Variants in PRKG1 observed in about 807,000 individuals in gnomAD.
PRKG1 encodes protein kinase cGMP-dependent 1, also known as cGMP-dependent protein kinase 1.
A neutral mutation model predicts 88.1 loss-of-function variants in PRKG1; 35 were observed. The ratio of observed to expected loss-of-function variants is 0.40; its 90% CI spans 0.30 to 0.53. The LOEUF (loss-of-function observed/expected upper bound fraction) is 0.53. PRKG1 is among the 20% of genes least tolerant of loss of function. The pLI is 0.59. For synonymous variants in PRKG1, 303 were observed against 292.5 expected, an observed-to-expected ratio of 1.04 and a Z score of -0.37; for missense variants, 540 against 839.8, an observed-to-expected ratio of 0.64 and a Z score of 4.41.
At chr10:51,429,699 C>T (rs10997504) in intron 2 of PRKG1, among the ~76,000 whole-genome samples, 106 of 151,634 alleles carry the variant, frequency 7.0e-4, no homozygotes, top group Non-Finnish European at 1.4e-3. Flanking sequence ...GAAATATTCA[C>T]TAGAGCAGCT....
At chr10:51,809,918 CTCCCTTG>C (rs776731812) in intron 4 of PRKG1, among the ~76,000 whole-genome samples, 8 of 152,134 alleles carry the variant, frequency 5.3e-5, no homozygotes, top group Non-Finnish European at 1.2e-4. Flanking sequence ...TTCTCTCATC[CTCCCTTG>C]TCCCAGTCAC....
chr10:51,319,805 T>G (rs1291545032), intron 2 of PRKG1: 3 of 152,778 alleles, frequency 2.0e-5, no homozygotes, highest in Non-Finnish European at 1.5e-5. Flanking sequence ...TGCCGCAATC[T>G]GTCATTCCAT....
intron 3 of PRKG1, among the ~76,000 whole-genome samples, chr10:51,583,466 G>T (rs1337375439): frequency 6.6e-6 from 1 of 152,092 alleles, no homozygotes; most frequent in Non-Finnish European, 1.5e-5. Context: ...GACCAAAGAT[G>T]TTTCCTTCAT....
intron 17 of PRKG1, among the ~76,000 whole-genome samples, chr10:52,293,338 A>T (rs1232473815): frequency 6.6e-6 from 1 of 151,668 alleles, no homozygotes; most frequent in East Asian, 1.9e-4. Context: ...CATACTGCCC[A>T]AGGTAATTTA....
At chr10:51,330,633 A>AT (rs1279533083) in intron 2 of PRKG1, among the ~76,000 whole-genome samples, 6 of 151,470 alleles carry the variant, frequency 4.0e-5, no homozygotes, top group African/African-American at 7.3e-5. Flanking sequence ...CCTCTATTGC[A>AT]TTTTTTCATT....
intron 1 of PRKG1, among the ~76,000 whole-genome samples, chr10:51,014,132 T>C (rs983557753): frequency 7.2e-5 from 11 of 152,326 alleles, no homozygotes; most frequent in Middle Eastern, 3.4e-3. Flanking sequence ...TATATGTTAA[T>C]TGGATTTCTC....
At chr10:51,842,942 A>G (rs1180347232) in intron 4 of PRKG1, among the ~76,000 whole-genome samples, 1 of 152,010 alleles carries the variant, frequency 6.6e-6, no homozygotes, top group African/African-American at 2.4e-5. Flanking sequence ...ATTTTCATAA[A>G]AAAATAGAAT....
intron 2 of PRKG1, among the ~76,000 whole-genome samples, chr10:51,410,678 T>A (rs908154959): frequency 1.6e-4 from 25 of 152,068 alleles, no homozygotes; most frequent in African/African-American, 5.3e-4. Flanking sequence ...CAAACCCTCA[T>A]TGCAGATAGT....
At chr10:51,127,506 G>C (rs971101296) in intron 1 of PRKG1, among the ~76,000 whole-genome samples, 5 of 152,164 alleles carry the variant, frequency 3.3e-5, no homozygotes, top group Admixed American at 3.3e-4. Flanking sequence ...TTACACTGTT[G>C]GTAGGAATGT....
intron 3 of PRKG1, among the ~76,000 whole-genome samples, chr10:51,651,709 G>A (rs1026000798): frequency 2.6e-5 from 4 of 151,342 alleles, no homozygotes; most frequent in African/African-American, 9.7e-5. Context: ...TCAGCCTCCC[G>A]AGTAGCTGGG....
intron 2 of PRKG1, among the ~76,000 whole-genome samples, chr10:51,411,764 C>T (rs1038490045): frequency 1.3e-5 from 2 of 152,142 alleles, no homozygotes; most frequent in African/African-American, 4.8e-5. Flanking sequence ...CACCCATATG[C>T]TCCTCTTGAA....
intron 9 of PRKG1, among the ~76,000 whole-genome samples, chr10:52,244,733 T>A (rs1284023195): frequency 1.6e-5 from 2 of 121,480 alleles, no homozygotes; most frequent in Non-Finnish European, 3.6e-5. Flanking sequence ...AATATATACT[T>A]TAATATATAT....
chr10:52,090,427 A>T (rs139795135), intron 7 of PRKG1, among the ~76,000 whole-genome samples: 210 of 150,942 alleles, frequency 1.4e-3, no homozygotes, highest in African/African-American at 4.8e-3. Flanking sequence ...ATTTATAAAT[A>T]AATAAATACT....
chr10:51,685,867 A>C (rs1368799615), intron 3 of PRKG1, among the ~76,000 whole-genome samples: 1 of 152,026 alleles, frequency 6.6e-6, no homozygotes, highest in East Asian at 1.9e-4. Context: ...TTCCTCCCTC[A>C]TTCTTTCCTG....
At chr10:52,166,839 G>GTATATATATGTATATATATGTATA (rs1589666380) in intron 9 of PRKG1, among the ~76,000 whole-genome samples, 8 of 90,494 alleles carry the variant, frequency 8.8e-5, no homozygotes, top group South Asian at 4.2e-4. Context: ...GTATATATAT[G>GTATATATATGTATATATATGTATA]TATATATATG....
chr10:51,563,360 T>C (rs1479290596), intron 3 of PRKG1, among the ~76,000 whole-genome samples: 1 of 152,170 alleles, frequency 6.6e-6, no homozygotes, highest in Admixed American at 6.6e-5. Context: ...CTATTTATCC[T>C]GATCCGATCA....
intron 5 of PRKG1, among the ~76,000 whole-genome samples, chr10:51,915,429 G>T (rs1335870111): frequency 6.6e-6 from 1 of 152,170 alleles, no homozygotes; most frequent in Admixed American, 6.5e-5. Context: ...GGCCTAACAT[G>T]CTCTGAGTTT....
chr10:52,293,491 C>T (rs934850910), intron 17 of PRKG1, among the ~76,000 whole-genome samples: 13 of 152,150 alleles, frequency 8.5e-5, no homozygotes, highest in African/African-American at 2.2e-4. Context: ...GGAGGCATCA[C>T]GCTACATGAT....
At chr10:51,026,755 T>A (rs1424399319) in intron 1 of PRKG1, among the ~76,000 whole-genome samples, 1 of 152,148 alleles carries the variant, frequency 6.6e-6, no homozygotes, top group East Asian at 1.9e-4. Flanking sequence ...TCAGTGATGG[T>A]GGGGAATTAA....
Sources: allele counts gnomAD v4.1 joint callset (sites outside exome capture counted in the v4.1 genomes callset), GRCh38; gene constraint gnomAD v4.1.1; transcripts MANE v1.5; gene names NCBI Gene and HGNC (gene_info 2026-07-23, HGNC 2026-07-21).